Variants in NOX4 observed in about 807,000 individuals in gnomAD.
NOX4 encodes NADPH oxidase 4.
In NOX4, 69 loss-of-function variants were observed where a neutral mutation model predicts 87.6. The ratio of observed to expected loss-of-function variants is 0.79; its 90% CI spans 0.65 to 0.96. The LOEUF is 0.96. NOX4 is among the 40% of genes least tolerant of loss of function. NOX4 has a pLI of 0.00. For missense variants in NOX4, 680 were observed against 681.5 expected (o/e 1.00, Z 0.02); for synonymous variants, 275 against 238.2 (o/e 1.15, Z -1.42).
intron 7 of NOX4, 81 bp downstream of exon 7, chr11:89,432,703 T>G (rs1943868968): frequency 7.2e-6 from 7 of 976,476 alleles, no homozygotes; most frequent in Non-Finnish European, 9.7e-6. Flanking sequence ...GACACTACAA[T>G]GGTTAAACAT....
the NOX4 span, among the ~76,000 whole-genome samples, chr11:89,555,128 G>T: frequency 6.6e-6 from 1 of 151,902 alleles, no homozygotes; most frequent in Non-Finnish European, 1.5e-5. Context: ...TTCCCCAGAG[G>T]TAATTAATTC....
In NOX4 at chr11:89,491,356, C is replaced by T; in HGVS notation, c.-110G>A. The T allele has an allele frequency of 9.6e-7, 1 of 1,036,382 alleles. No individual in the cohort carries two copies. Among genetic ancestry groups the T allele is most frequent in the Admixed American group, 2.9e-5 (1 of 34,254 alleles). 64.2% of individuals were successfully genotyped at this position (1,036,382 alleles called of 1,614,324 possible). ...GGCCTGCCGGGCCGCTGAGCGAGGA[C>T]CGAGGGTCAAAGACTGAGTGGAAGC... On this transcript the variant is annotated 5_prime_UTR_variant, in exon 1 of 18. Coordinates refer to ENST00000263317, the MANE Select transcript of NOX4 (RefSeq NM_016931.5).
the NOX4 span, among the ~76,000 whole-genome samples, chr11:89,536,577 A>G: frequency 6.6e-6 from 1 of 152,206 alleles, no homozygotes; most frequent in African/African-American, 2.4e-5. Context: ...TATACTTCAA[A>G]TAGTGCTGGT....
chr11:89,422,363 C>T (rs1943126917), intron 7 of NOX4, among the ~76,000 whole-genome samples: 1 of 152,122 alleles, frequency 6.6e-6, no homozygotes, highest in Non-Finnish European at 1.5e-5. Flanking sequence ...CAAAGCTCCT[C>T]TTTCAATACA....
chr11:89,548,969 G>T, the NOX4 span, among the ~76,000 whole-genome samples: 6 of 152,102 alleles, frequency 3.9e-5, no homozygotes, highest in African/African-American at 1.4e-4. Flanking sequence ...GTCTCATAAA[G>T]GTTTCATGTG....
intron 13 of NOX4, among the ~76,000 whole-genome samples, chr11:89,348,894 T>C (rs6483011): frequency 0.11 from 16,528 of 152,152 alleles, 2,140 homozygotes; most frequent in African/African-American, 0.31. Flanking sequence ...AGGGAAACAG[T>C]ACTACCTAAC....
intron 12 of NOX4, among the ~76,000 whole-genome samples, chr11:89,366,156 T>C (rs1426294271): frequency 6.6e-6 from 1 of 152,120 alleles, no homozygotes; most frequent in Non-Finnish European, 1.5e-5. Context: ...GTTTTTGACA[T>C]TGATTAATAA....
At chr11:89,516,354 A>G in the NOX4 span, among the ~76,000 whole-genome samples, 2 of 152,200 alleles carry the variant, frequency 1.3e-5, no homozygotes, top group East Asian at 1.9e-4. Context: ...GAGACTCGAT[A>G]TGCTTCACAA....
At chr11:89,587,372 A>T in the NOX4 span, among the ~76,000 whole-genome samples, 1 of 152,176 alleles carries the variant, frequency 6.6e-6, no homozygotes, top group East Asian at 1.9e-4. Context: ...TAAAATGGCG[A>T]GTTTCAGATA....
chr11:89,589,027 A>T, the NOX4 span, among the ~76,000 whole-genome samples: 1 of 152,198 alleles, frequency 6.6e-6, no homozygotes, highest in Non-Finnish European at 1.5e-5. Flanking sequence ...TAATTAACAG[A>T]CAACATATTA....
the NOX4 span, among the ~76,000 whole-genome samples, chr11:89,507,115 G>T: frequency 6.6e-6 from 1 of 151,838 alleles, no homozygotes; most frequent in Admixed American, 6.6e-5. Flanking sequence ...TATATTTATA[G>T]AAAGTAGATG....
chr11:89,540,829 A>G, the NOX4 span, among the ~76,000 whole-genome samples: 1 of 126,772 alleles, frequency 7.9e-6, no homozygotes, highest in East Asian at 2.3e-4. Flanking sequence ...AAAAAAAAAA[A>G]AAATTGAAAG....
At chr11:89,406,796 T>C (rs57123437) in intron 8 of NOX4, among the ~76,000 whole-genome samples, 2,850 of 152,132 alleles carry the variant, frequency 0.019, 80 homozygotes, top group East Asian at 0.13. Flanking sequence ...AAATCAAACA[T>C]AGAACCAAAA....
rs369043493 is a variant in NOX4, at chr11:89,491,357, C to A, written c.-111G>T. Reference sequence around the variant, plus strand: ...GCCTGCCGGGCCGCTGAGCGAGGACCGAGGGTCAAAGACTGAGTGGAAGCC... The same window carrying A: ...GCCTGCCGGGCCGCTGAGCGAGGACAGAGGGTCAAAGACTGAGTGGAAGCC... On this transcript the variant is annotated 5_prime_UTR_variant, in exon 1 of 18. Coordinates refer to ENST00000263317, the MANE Select transcript of NOX4 (RefSeq NM_016931.5). The A allele has an allele frequency of 6.6e-5, 68 of 1,028,580 alleles. No homozygotes were observed. Among genetic ancestry groups the A allele is most frequent in the Non-Finnish European group, 8.8e-5 (63 of 718,472 alleles). The allele number at this position is 1,028,580 out of a possible 1,614,324, so 63.7% of individuals were successfully genotyped here.
chr11:89,429,673 C>T (rs1478003901), intron 7 of NOX4, among the ~76,000 whole-genome samples: 3 of 152,096 alleles, frequency 2.0e-5, no homozygotes, highest in African/African-American at 7.2e-5. Flanking sequence ...GAAGATGAAT[C>T]CCTGAATAGA....
intron 17 of NOX4, among the ~76,000 whole-genome samples, chr11:89,330,346 C>T (rs774981690): frequency 1.3e-5 from 2 of 151,944 alleles, no homozygotes; most frequent in Non-Finnish European, 2.9e-5. Context: ...AATACTCTGT[C>T]TCTAAAAAAT....
At chr11:89,563,999 C>T in the NOX4 span, among the ~76,000 whole-genome samples, 1 of 152,064 alleles carries the variant, frequency 6.6e-6, no homozygotes, top group Admixed American at 6.6e-5. Flanking sequence ...GAGGGGTTTA[C>T]TGAACAGTAG....
At chr11:89,423,784 G>A (rs1943217946) in intron 7 of NOX4, among the ~76,000 whole-genome samples, 2 of 152,064 alleles carry the variant, frequency 1.3e-5, no homozygotes, top group Admixed American at 6.6e-5. Flanking sequence ...GTCAGGCATG[G>A]TGGCTAATGC....
At chr11:89,504,685 T>C in the NOX4 span, among the ~76,000 whole-genome samples, 134 of 152,110 alleles carry the variant, frequency 8.8e-4, no homozygotes, top group African/African-American at 3.2e-3. Flanking sequence ...TATTTGTAAG[T>C]AGAATATTAT....
Sources: allele counts gnomAD v4.1 joint callset (sites outside exome capture counted in the v4.1 genomes callset), GRCh38; gene constraint gnomAD v4.1.1; transcripts MANE v1.5; gene names NCBI Gene and HGNC (gene_info 2026-07-23, HGNC 2026-07-21).